Variants in DPYD observed in about 807,000 individuals in gnomAD.
DPYD encodes the protein dihydropyrimidine dehydrogenase.
In DPYD, 109 loss-of-function variants were observed where a neutral mutation model predicts 116.2. That is an observed-to-expected ratio of 0.94 (90% confidence interval 0.80 to 1.10). DPYD has a LOEUF of 1.10. DPYD is among the 50% of genes least tolerant of loss of function. The probability of loss-of-function intolerance (pLI) is 0.00; values close to 1 mark genes in which losing one functional copy is unlikely to be tolerated. For synonymous variants in DPYD, 440 were observed against 432.0 expected (o/e 1.02, Z -0.23); for missense variants, 1,302 against 1,254.5 (o/e 1.04, Z -0.57).
chr1:97,487,889 A>C (rs1678739239), intron 13 of DPYD, among the ~76,000 whole-genome samples: 1 of 152,220 alleles, frequency 6.6e-6, no homozygotes, highest in Non-Finnish European at 1.5e-5. Flanking sequence ...TTAAACATAT[A>C]GTTACCATAT....
At position 97,159,008 on chromosome 1, in the gene DPYD, T is replaced by C. The variant is rs576947000; in HGVS notation, c.2622+34061A>G. 2.6e-5 allele frequency among the ~76,000 whole-genome samples: 4 copies of C among 152,186 alleles called. No individual in the cohort carries two copies. The East Asian group carries it at 7.7e-4, about 29-fold the overall frequency. On this transcript the variant is annotated intron_variant, in intron 20 of 22. Coordinates refer to ENST00000370192, the MANE Select transcript of DPYD (RefSeq NM_000110.4). Reference sequence around the variant, plus strand: ...GAGTCCAGAGTCTCTGTATAATGTATCATTTACACAGTCCAGATACAATAT... The same window carrying C: ...GAGTCCAGAGTCTCTGTATAATGTACCATTTACACAGTCCAGATACAATAT...
At chr1:97,382,003 C>T (rs532962815) in intron 15 of DPYD, among the ~76,000 whole-genome samples, 2 of 152,132 alleles carry the variant, frequency 1.3e-5, no homozygotes, top group African/African-American at 4.8e-5. Flanking sequence ...TTCAAAATTT[C>T]TTCTCTTACT....
chr1:97,836,466 G>A (rs1171901016), intron 2 of DPYD, among the ~76,000 whole-genome samples: 1 of 152,114 alleles, frequency 6.6e-6, no homozygotes, highest in Non-Finnish European at 1.5e-5. Context: ...ATGATGTACT[G>A]TAATAACACC....
chr1:97,328,605 A>G (rs1015594430), intron 16 of DPYD, among the ~76,000 whole-genome samples: 1 of 152,174 alleles, frequency 6.6e-6, no homozygotes, highest in Non-Finnish European at 1.5e-5. Flanking sequence ...AATGAATACT[A>G]CTTGTTATAT....
At position 97,529,432 on chromosome 1, in the gene DPYD, T is replaced by C. The variant is rs184402105; in HGVS notation, c.1525-13491A>G. 1.3e-3 allele frequency among the ~76,000 whole-genome samples: 195 copies of C among 152,332 alleles called. 2 individuals are homozygous for C. Among genetic ancestry groups the C allele is most frequent in the Non-Finnish European group, 2.3e-3 (157 of 68,026 alleles). On this transcript the variant is annotated intron_variant, in intron 12 of 22. Coordinates refer to ENST00000370192, the MANE Select transcript of DPYD (RefSeq NM_000110.4). ...ACGGCTTCACTAAACATTGTTTTGT[T>C]ATTTAAATATTAATATGCTGAGAGC...
At chr1:97,749,239 G>C (rs186680517) in intron 3 of DPYD, among the ~76,000 whole-genome samples, 246 of 152,288 alleles carry the variant, frequency 1.6e-3, no homozygotes, top group Admixed American at 7.2e-3. Flanking sequence ...AGTTCTGAAA[G>C]TTATACATTG....
chr1:97,755,107 C>T (rs116325564), intron 3 of DPYD, among the ~76,000 whole-genome samples: 11 of 152,210 alleles, frequency 7.2e-5, no homozygotes, highest in African/African-American at 2.4e-4. Context: ...TGCACCAACC[C>T]GGTTCTCCCC....
intron 3 of DPYD, among the ~76,000 whole-genome samples, chr1:97,758,534 G>C: frequency 6.6e-6 from 1 of 152,102 alleles, no homozygotes; most frequent in East Asian, 1.9e-4. Flanking sequence ...TGAATAACTT[G>C]AATGAAATCC....
intron 16 of DPYD, among the ~76,000 whole-genome samples, chr1:97,334,657 G>T (rs1362504115): frequency 1.3e-5 from 2 of 152,184 alleles, no homozygotes; most frequent in Admixed American, 1.3e-4. Context: ...GATCAACTAA[G>T]CCTCTGCTTT....
At chr1:97,219,334 A>T (rs954063796) in intron 19 of DPYD, among the ~76,000 whole-genome samples, 7 of 152,190 alleles carry the variant, frequency 4.6e-5, no homozygotes, top group Non-Finnish European at 1.0e-4. Flanking sequence ...TTCTCATCTG[A>T]ACCCTTGGGA....
At chr1:97,553,779 T>C (rs373882895) in intron 11 of DPYD, among the ~76,000 whole-genome samples, 11 of 152,204 alleles carry the variant, frequency 7.2e-5, no homozygotes, top group Non-Finnish European at 1.2e-4. Flanking sequence ...AGGAGCTCCA[T>C]AGTTGAACAG....
At chr1:97,745,864 G>A (rs567121999) in intron 3 of DPYD, among the ~76,000 whole-genome samples, 19 of 152,144 alleles carry the variant, frequency 1.2e-4, no homozygotes, top group Admixed American at 5.2e-4. Context: ...TTAAAAGGTG[G>A]TGTTCTAGTG....
intron 11 of DPYD, 45 bp downstream of exon 11, chr1:97,573,715 A>T (rs2102181544): frequency 6.2e-7 from 1 of 1,610,780 alleles, no homozygotes; most frequent in Non-Finnish European, 8.5e-7. Flanking sequence ...ACAGCACTAA[A>T]ATAACAGACA....
intron 8 of DPYD, among the ~76,000 whole-genome samples, chr1:97,648,926 A>T (rs753996662): frequency 1.1e-4 from 17 of 151,940 alleles, no homozygotes; most frequent in Non-Finnish European, 1.9e-4. Flanking sequence ...TCCTCTATAG[A>T]CCCTCAGTGT....
Position 97,803,145 on chromosome 1 carries a change from T to A in DPYD, c.233+24969A>T, listed in dbSNP as rs982117973. Among the ~76,000 whole-genome samples, 8 of 152,030 alleles carry A rather than the reference T, an allele frequency of 5.3e-5. No individual in the cohort carries two copies. In the South Asian group the frequency reaches 8.3e-4, roughly 16 times the overall value. ...TAAGGTTATTAGCTTATATATGGTGTCTTTAAAATAATTCCCATTTGCAGT... is the reference window on the plus strand; with the variant it reads ...TAAGGTTATTAGCTTATATATGGTGACTTTAAAATAATTCCCATTTGCAGT... On this transcript the variant is annotated intron_variant, in intron 3 of 22. Coordinates refer to ENST00000370192, the MANE Select transcript of DPYD (RefSeq NM_000110.4).
intron 16 of DPYD, among the ~76,000 whole-genome samples, chr1:97,334,553 G>A (rs1055124496): frequency 6.6e-6 from 1 of 152,174 alleles, no homozygotes; most frequent in African/African-American, 2.4e-5. Context: ...CAGGCTAGGA[G>A]CAAAGACAAA....
At chr1:97,185,160 A>T (rs1404620175) in intron 20 of DPYD, among the ~76,000 whole-genome samples, 1 of 152,166 alleles carries the variant, frequency 6.6e-6, no homozygotes, top group East Asian at 1.9e-4. Flanking sequence ...TTAAAAAATT[A>T]AAAAATGGAC....
chr1:97,162,439 C>T (rs964545110), intron 20 of DPYD, among the ~76,000 whole-genome samples: 9 of 152,110 alleles, frequency 5.9e-5, no homozygotes, highest in African/African-American at 2.2e-4. Flanking sequence ...TGAAGGACCT[C>T]TTCAAGGAGA....
chr1:97,203,410 GA>G (rs1050769561), intron 19 of DPYD, among the ~76,000 whole-genome samples: 4 of 147,686 alleles, frequency 2.7e-5, no homozygotes, highest in Non-Finnish European at 4.5e-5. Context: ...TTTGATCACA[GA>G]GGAGAAGTCA....
Sources: allele counts gnomAD v4.1 joint callset (sites outside exome capture counted in the v4.1 genomes callset), GRCh38; gene constraint gnomAD v4.1.1; transcripts MANE v1.5; gene names NCBI Gene and HGNC (gene_info 2026-07-23, HGNC 2026-07-21).